The following MAP3K20 variants were observed in gnomAD, a reference collection of about 807,000 sequenced individuals.
The protein encoded by MAP3K20 is mitogen-activated protein kinase kinase kinase 20, also known as HCCS-4.
In MAP3K20, 40 loss-of-function variants were observed where a neutral mutation model predicts 85.7. The observed-to-expected ratio is 0.47, with a 90% CI of 0.36 to 0.61. The LOEUF (loss-of-function observed/expected upper bound fraction) is 0.61. Among genes scored for constraint, MAP3K20 ranks in the 20% least tolerant of loss-of-function variants. The pLI, the probability that MAP3K20 is intolerant of heterozygous loss-of-function variation, is 0.00. For missense variants in MAP3K20, 817 were observed against 961.7 expected, an observed-to-expected ratio of 0.85 and a Z score of 1.99; for synonymous variants, 325 against 327.7, an observed-to-expected ratio of 0.99 and a Z score of 0.09.
At chr2:173,205,648 G>A (rs1051629233) in intron 9 of MAP3K20, among the ~76,000 whole-genome samples, 3 of 152,088 alleles carry the variant, frequency 2.0e-5, no homozygotes, top group Non-Finnish European at 4.4e-5. Flanking sequence ...ACTGTGCTGC[G>A]TACATGTTGC....
intron 18 of MAP3K20, among the ~76,000 whole-genome samples, chr2:173,261,852 AC>A (rs1685301778): frequency 6.6e-6 from 1 of 151,952 alleles, no homozygotes; most frequent in Non-Finnish European, 1.5e-5. Context: ...CCCTATCTCT[AC>A]AAAAAATACA....
intron 1 of MAP3K20, among the ~76,000 whole-genome samples, chr2:173,082,888 C>T (rs1214248074): frequency 1.3e-5 from 2 of 152,202 alleles, no homozygotes; most frequent in African/African-American, 4.8e-5. Context: ...ATTTCTGTGG[C>T]GTTAAGTGCT....
At chr2:173,208,590 A>T (rs1683770022) in intron 9 of MAP3K20, among the ~76,000 whole-genome samples, 1 of 152,222 alleles carries the variant, frequency 6.6e-6, no homozygotes, top group African/African-American at 2.4e-5. Flanking sequence ...AGACACAGGC[A>T]CACACATGCA....
chr2:173,131,682 G>A (rs558895239), intron 2 of MAP3K20, among the ~76,000 whole-genome samples: 1 of 151,478 alleles, frequency 6.6e-6, no homozygotes, highest in African/African-American at 2.4e-5. Context: ...AGAAAATCAT[G>A]TGTAGAAATA....
chr2:173,162,587 G>A (rs1689692305), intron 2 of MAP3K20, among the ~76,000 whole-genome samples: 1 of 151,640 alleles, frequency 6.6e-6, no homozygotes, highest in South Asian at 2.1e-4. Context: ...TCAGGAGGCT[G>A]AGGCAGGAGA....
intron 16 of MAP3K20, among the ~76,000 whole-genome samples, chr2:173,252,212 T>TA (rs1255760011): frequency 2.6e-5 from 4 of 152,236 alleles, no homozygotes; most frequent in Admixed American, 2.0e-4. Context: ...CTTGGAACTC[T>TA]AAAAAAATTT....
intron 2 of MAP3K20, among the ~76,000 whole-genome samples, chr2:173,097,086 A>G (rs1044660203): frequency 5.9e-5 from 9 of 152,230 alleles, no homozygotes; most frequent in African/African-American, 1.9e-4. Context: ...TTAACTTTTG[A>G]AAACAATTAA....
chr2:173,234,927 A>AT (rs1242291615), intron 14 of MAP3K20, among the ~76,000 whole-genome samples: 2 of 152,228 alleles, frequency 1.3e-5, no homozygotes, highest in Non-Finnish European at 2.9e-5. Context: ...TTTTGAAAAA[A>AT]CAGGAGGGTA....
chr2:173,146,409 T>G (rs1689138832), intron 2 of MAP3K20, among the ~76,000 whole-genome samples: 1 of 152,204 alleles, frequency 6.6e-6, no homozygotes, highest in African/African-American at 2.4e-5. Context: ...TGAATTGAAG[T>G]GTAATTCATA....
intron 3 of MAP3K20, among the ~76,000 whole-genome samples, chr2:173,170,940 C>T (rs1689981766): frequency 1.3e-5 from 2 of 152,198 alleles, no homozygotes; most frequent in Admixed American, 6.5e-5. Context: ...GGTTCTTAAA[C>T]TCAGAGAGAC....
In MAP3K20 at chr2:173,266,615, C is replaced by G. The variant is rs745743122; in HGVS notation, c.2268C>G (p.Ala756=). 6.2e-7 allele frequency: 1 copy of G among 1,613,798 alleles called. No homozygotes were observed. The highest frequency in any genetic ancestry group is 1.1e-5 in the South Asian group (1 of 91,056). Residue 756 remains alanine (A), a synonymous_variant, in exon 20 of 20, where the codon GCC becomes GCG. Coordinates refer to ENST00000375213, the MANE Select transcript of MAP3K20 (RefSeq NM_016653.3). ...MPLHPETDSR[A]SEEDSKVSEG... ...TGCACCCTGAGACTGACTCAAGAGCCAGTGAAGAGGACAGCAAAGTCAGCG... is the reference window on the plus strand; with the variant it reads ...TGCACCCTGAGACTGACTCAAGAGCGAGTGAAGAGGACAGCAAAGTCAGCG...
chr2:173,245,987 A>C (rs1383839781), intron 16 of MAP3K20, among the ~76,000 whole-genome samples: 2 of 152,220 alleles, frequency 1.3e-5, no homozygotes, highest in Admixed American at 1.3e-4. Context: ...AAGTTACGAC[A>C]ATCAAACTGG....
chr2:173,256,550 T>G (rs75401871), intron 16 of MAP3K20, among the ~76,000 whole-genome samples: 226 of 147,430 alleles, frequency 1.5e-3, no homozygotes, highest in Middle Eastern at 7.1e-3. Flanking sequence ...GACAGACAGA[T>G]AGAGAGAATG....
intron 2 of MAP3K20, among the ~76,000 whole-genome samples, chr2:173,121,515 T>C (rs1184236845): frequency 6.6e-6 from 1 of 152,028 alleles, no homozygotes; most frequent in African/African-American, 2.4e-5. Flanking sequence ...GCCTCCCAAG[T>C]AGCTGGGACT....
At chr2:173,083,002 T>G (rs1677634185) in intron 1 of MAP3K20, among the ~76,000 whole-genome samples, 1 of 152,276 alleles carries the variant, frequency 6.6e-6, no homozygotes, top group South Asian at 2.1e-4. Flanking sequence ...TTACTTTAAT[T>G]ATTTCAATAA....
At chr2:173,233,339 T>G (rs1314337974) in intron 14 of MAP3K20, among the ~76,000 whole-genome samples, 1 of 152,264 alleles carries the variant, frequency 6.6e-6, no homozygotes, top group Admixed American at 6.5e-5. Flanking sequence ...TAATCCCCAC[T>G]TACTCAGGAA....
chr2:173,141,101 C>G (rs964377926), intron 2 of MAP3K20, among the ~76,000 whole-genome samples: 1 of 152,106 alleles, frequency 6.6e-6, no homozygotes, highest in Non-Finnish European at 1.5e-5. Context: ...ACTTAGTATA[C>G]TGAGGCACTT....
At chr2:173,203,896 T>A in intron 9 of MAP3K20, 26 bp downstream of exon 9, 1 of 1,597,644 alleles carries the variant, frequency 6.3e-7, no homozygotes, top group Non-Finnish European at 8.6e-7. Flanking sequence ...TTTGTTATTG[T>A]TTAGAATTCT....
chr2:173,106,373 A>G (rs1286446243), intron 2 of MAP3K20, among the ~76,000 whole-genome samples: 1 of 152,226 alleles, frequency 6.6e-6, no homozygotes, highest in Non-Finnish European at 1.5e-5. Context: ...AGAGTCCAGA[A>G]TTAGGCTCAC....
Sources: allele counts gnomAD v4.1 joint callset (sites outside exome capture counted in the v4.1 genomes callset), GRCh38; gene constraint gnomAD v4.1.1; transcripts MANE v1.5; gene names NCBI Gene and HGNC (gene_info 2026-07-23, HGNC 2026-07-21).